CSMD1: variants seen among roughly 807,000 people sequenced by gnomAD.
CSMD1 encodes CUB and sushi domain-containing protein 1.
Under a neutral mutation model 417.5 loss-of-function variants are expected in CSMD1, and 213 were observed. The observed-to-expected ratio is 0.51, with a 90% confidence interval of 0.46 to 0.57. The LOEUF is 0.57. Among genes scored for constraint, CSMD1 ranks in the 20% least tolerant of loss-of-function variants. The probability of loss-of-function intolerance (pLI) is 0.00; values close to 1 mark genes in which losing one functional copy is unlikely to be tolerated. For synonymous variants in CSMD1, 2,862 were observed against 1,736.8 expected, an observed-to-expected ratio of 1.65 and a Z score of -16.11; for missense variants, 6,923 against 4,529.7, an observed-to-expected ratio of 1.53 and a Z score of -15.17.
chr8:3,691,586 A>G (rs907172523), intron 7 of CSMD1, among the ~76,000 whole-genome samples: 1 of 152,196 alleles, frequency 6.6e-6, no homozygotes, highest in Non-Finnish European at 1.5e-5. Context: ...TAATCTTCCA[A>G]CCTTTGGCTT....
intron 10 of CSMD1, among the ~76,000 whole-genome samples, chr8:3,573,074 G>C (rs186057557): frequency 6.1e-4 from 93 of 152,196 alleles, no homozygotes; most frequent in Non-Finnish European, 9.7e-4. Flanking sequence ...TTAGTAAATA[G>C]TTAACAAATT....
At chr8:4,035,807 T>G (rs983983075) in intron 3 of CSMD1, among the ~76,000 whole-genome samples, 1 of 152,096 alleles carries the variant, frequency 6.6e-6, no homozygotes, top group South Asian at 2.1e-4. Flanking sequence ...GAAAAATGTG[T>G]TTTTATACAT....
At chr8:3,351,997 C>T (rs893687656) in intron 21 of CSMD1, among the ~76,000 whole-genome samples, 1 of 151,468 alleles carries the variant, frequency 6.6e-6, no homozygotes, top group Non-Finnish European at 1.5e-5. Context: ...GCTTTGTCAC[C>T]TTTTTTTTCG....
intron 12 of CSMD1, among the ~76,000 whole-genome samples, chr8:3,464,897 G>C (rs1020249103): frequency 1.6e-4 from 24 of 151,972 alleles, no homozygotes; most frequent in Non-Finnish European, 1.5e-4. Flanking sequence ...TCCCTCAAGA[G>C]CTCTCTTTGT....
At chr8:3,168,581 C>G (rs545201764) in intron 37 of CSMD1, among the ~76,000 whole-genome samples, 6 of 151,884 alleles carry the variant, frequency 4.0e-5, no homozygotes, top group Non-Finnish European at 8.8e-5. Flanking sequence ...ATGTGGACCT[C>G]TGCACCCAGA....
chr8:3,926,079 C>CTA, intron 5 of CSMD1, among the ~76,000 whole-genome samples: 1 of 81,430 alleles, frequency 1.2e-5, no homozygotes, highest in Admixed American at 1.5e-4. Flanking sequence ...CACACAAACA[C>CTA]CATACACACA....
intron 2 of CSMD1, among the ~76,000 whole-genome samples, chr8:4,615,263 G>C (rs1041229783): frequency 2.6e-5 from 4 of 152,180 alleles, no homozygotes; most frequent in South Asian, 2.1e-4. Context: ...AACGTGGAGA[G>C]CTTAAGGCAC....
At chr8:4,172,848 C>G (rs1356470420) in intron 3 of CSMD1, among the ~76,000 whole-genome samples, 1 of 152,082 alleles carries the variant, frequency 6.6e-6, no homozygotes, top group African/African-American at 2.4e-5. Flanking sequence ...TGAGGGCTGT[C>G]CACAGCCGTG....
intron 1 of CSMD1, among the ~76,000 whole-genome samples, chr8:4,903,287 C>G (rs754262931): frequency 1.2e-4 from 19 of 152,108 alleles, no homozygotes; most frequent in Non-Finnish European, 2.6e-4. Context: ...TACAGCTGAC[C>G]TTTCTGATTT....
chr8:4,469,329 C>G lies in CSMD1; in HGVS notation c.303-49264G>C, dbSNP rs561328139. ...CATTCTAACAATTATTTTCGGCTTT[C>G]TGAAAAGTCTTGTTATTTTACCTTG... On this transcript the variant is annotated intron_variant, in intron 2 of 69. Coordinates refer to ENST00000635120, the MANE Select transcript of CSMD1 (RefSeq NM_033225.6). 3.2e-4 allele frequency among the ~76,000 whole-genome samples: 49 copies of G among 152,296 alleles called. No homozygotes were observed. The South Asian group carries it at 9.7e-3, about 30-fold the overall frequency.
chr8:3,791,618 G>A (rs113584085), intron 5 of CSMD1, among the ~76,000 whole-genome samples: 1 of 152,182 alleles, frequency 6.6e-6, no homozygotes, highest in Non-Finnish European at 1.5e-5. Flanking sequence ...GAAGTCAGGA[G>A]TTCAAGACCA....
At chr8:3,101,146 G>C (rs1324576747) in intron 46 of CSMD1, among the ~76,000 whole-genome samples, 1 of 150,670 alleles carries the variant, frequency 6.6e-6, no homozygotes, top group Non-Finnish European at 1.5e-5. Context: ...TGACGTTGAA[G>C]ACCTTTAAAG....
At chr8:3,103,488 T>G (rs1815903520) in intron 46 of CSMD1, among the ~76,000 whole-genome samples, 1 of 151,984 alleles carries the variant, frequency 6.6e-6, no homozygotes, top group Non-Finnish European at 1.5e-5. Context: ...GTAAGCATTC[T>G]CACATCTGAA....
chr8:4,565,753 TA>T, intron 2 of CSMD1, among the ~76,000 whole-genome samples: 1 of 1,940 alleles, frequency 5.2e-4, no homozygotes, highest in South Asian at 0.014. Context: ...TATATACATA[TA>T]TATATATATA....
At chr8:3,171,485 T>G (rs1168131254) in intron 37 of CSMD1, among the ~76,000 whole-genome samples, 1 of 152,228 alleles carries the variant, frequency 6.6e-6, no homozygotes, top group Non-Finnish European at 1.5e-5. Context: ...GAGGTTTTCA[T>G]AAATGATGAG....
At chr8:3,899,095 A>G (rs1807557148) in intron 5 of CSMD1, among the ~76,000 whole-genome samples, 1 of 152,236 alleles carries the variant, frequency 6.6e-6, no homozygotes, top group South Asian at 2.1e-4. Flanking sequence ...GTTCATCTCT[A>G]GTTTTAATGC....
At chr8:4,341,643 T>C (rs926460934) in intron 3 of CSMD1, among the ~76,000 whole-genome samples, 1 of 152,138 alleles carries the variant, frequency 6.6e-6, no homozygotes, top group Non-Finnish European at 1.5e-5. Context: ...TAGGATATGC[T>C]CTTGTGTTCT....
intron 12 of CSMD1, among the ~76,000 whole-genome samples, chr8:3,466,450 C>T (rs887874782): frequency 1.3e-5 from 2 of 152,014 alleles, no homozygotes; most frequent in Admixed American, 1.3e-4. Flanking sequence ...CACTCTGTTG[C>T]CTAGGCTGGA....
At chr8:4,084,608 G>C (rs1192353309) in intron 3 of CSMD1, among the ~76,000 whole-genome samples, 3 of 152,122 alleles carry the variant, frequency 2.0e-5, no homozygotes, top group African/African-American at 7.2e-5. Flanking sequence ...GAAAATGAAA[G>C]CGAGCCTTCC....
Sources: gnomAD v4.1 joint callset for allele counts (sites outside exome capture counted in the v4.1 genomes callset) on GRCh38, gnomAD v4.1.1 for gene constraint, MANE v1.5 for transcripts, NCBI Gene and HGNC (gene_info 2026-07-23, HGNC 2026-07-21) for gene names.